SEPTIN9: variants seen among roughly 807,000 people sequenced by gnomAD.
SEPTIN9 encodes septin 9, also known as septin-9.
A neutral mutation model predicts 56.6 loss-of-function variants in SEPTIN9; 13 were observed. That is an observed-to-expected ratio of 0.23 (90% CI 0.15 to 0.37). The LOEUF is 0.37. SEPTIN9 is among the 10% of genes least tolerant of loss of function. The pLI, the probability that SEPTIN9 is intolerant of heterozygous loss-of-function variation, is 1.00. For synonymous variants in SEPTIN9, 332 were observed against 334.1 expected, an observed-to-expected ratio of 0.99 and a Z score of 0.07; for missense variants, 650 against 823.1, an observed-to-expected ratio of 0.79 and a Z score of 2.57.
intron 2 of SEPTIN9, among the ~76,000 whole-genome samples, chr17:77,396,338 G>A (rs886913186): frequency 6.6e-6 from 1 of 152,178 alleles, no homozygotes; most frequent in Non-Finnish European, 1.5e-5. Flanking sequence ...CTGCTGCGTG[G>A]GTCCTTTGAA....
intron 2 of SEPTIN9, among the ~76,000 whole-genome samples, chr17:77,386,233 C>T (rs1041226314): frequency 6.6e-6 from 1 of 152,210 alleles, no homozygotes; most frequent in Non-Finnish European, 1.5e-5. Flanking sequence ...CCTCCTGCCC[C>T]CACCCCTCCT....
rs984092489 is a variant in SEPTIN9 at position 77,437,860 on chromosome 17, C to T, written c.721+35157C>T. Among the ~76,000 whole-genome samples, 1 of 152,238 alleles carries T rather than the reference C, an allele frequency of 6.6e-6. No individual in the cohort carries two copies. The highest frequency in any genetic ancestry group is 1.5e-5 in the Non-Finnish European group (1 of 68,028). ...AAGTCAGGTGCCTCCCGAAGCTTCT[C>T]CCTGGCCCCAGGCCAGAGGTGACAG... On this transcript the variant is annotated intron_variant, in intron 3 of 11. Coordinates refer to ENST00000427177, the MANE Select transcript of SEPTIN9 (RefSeq NM_001113491.2). This position sits in a 1 kb window ranked among gnomAD's most constrained non-coding sequence, Gnocchi z 5.3.
chr17:77,394,297 C>G (rs2035635316), intron 2 of SEPTIN9, among the ~76,000 whole-genome samples: 1 of 152,174 alleles, frequency 6.6e-6, no homozygotes, highest in South Asian at 2.1e-4. Flanking sequence ...TCTGTAGATC[C>G]TAAGGGTTAT....
At chr17:77,465,775 T>G (rs1464821389) in intron 3 of SEPTIN9, among the ~76,000 whole-genome samples, 1 of 151,914 alleles carries the variant, frequency 6.6e-6, no homozygotes, top group Non-Finnish European at 1.5e-5. Context: ...CTGGCAGGCC[T>G]GGGTGGGTGA....
At chr17:77,457,850 G>A (rs567695879) in intron 3 of SEPTIN9, among the ~76,000 whole-genome samples, 1 of 152,210 alleles carries the variant, frequency 6.6e-6, no homozygotes. Context: ...AGTGCCTCCT[G>A]TAATGTTTTA....
intron 2 of SEPTIN9, chr17:77,373,146 C>T (rs955495889): frequency 9.9e-7 from 1 of 1,005,686 alleles, no homozygotes; most frequent in Non-Finnish European, 1.2e-6. Flanking sequence ...GCGCTCCGGT[C>T]GTGTGCCCAG....
intron 3 of SEPTIN9, among the ~76,000 whole-genome samples, chr17:77,480,076 G>A (rs914190184): frequency 6.6e-5 from 10 of 152,230 alleles, no homozygotes; most frequent in Admixed American, 4.6e-4. Context: ...CCTGGGTGGG[G>A]GCCACGTGGG....
rs573679561 is a variant in SEPTIN9, at chr17:77,490,586, A to G, written c.1263-156A>G. Among the ~76,000 whole-genome samples the G allele has an allele frequency of 5.3e-5, 8 of 152,274 alleles. No homozygotes were observed. In the East Asian group the frequency reaches 1.5e-3, roughly 29 times the overall value. On this transcript the variant is annotated intron_variant, in intron 7 of 11. Coordinates refer to ENST00000427177, the MANE Select transcript of SEPTIN9 (RefSeq NM_001113491.2). ...TGTCCTTCCTCTGCCCCACACTCAC[A>G]GCGTGGCCGACTCGGCCCGGGGCCC...
Position 77,285,193 on chromosome 17 carries a change from G to A in SEPTIN9, c.19+3639G>A, listed in dbSNP as rs190583518. Among the ~76,000 whole-genome samples the A allele has an allele frequency of 6.4e-4, 97 of 152,022 alleles. 1 individual carries two copies. The East Asian group carries it at 7.7e-3, about 12-fold the overall frequency. ...CACTGGAGCCAGCTGCACTGTACCC[G>A]CCCTGGCTCTCTAGGTTCTGAGTTT... On this transcript the variant is annotated intron_variant, in intron 1 of 11. Transcript: ENST00000427177.
At chr17:77,488,686 C>T in intron 6 of SEPTIN9, 41 bp from the exon 7 acceptor site, 1 of 1,612,314 alleles carries the variant, frequency 6.2e-7, no homozygotes, top group Admixed American at 1.7e-5. Flanking sequence ...TTGGGGAGGG[C>T]ATCTCATGTG....
intron 2 of SEPTIN9, among the ~76,000 whole-genome samples, chr17:77,337,425 G>A (rs995808429): frequency 3.3e-5 from 5 of 152,016 alleles, no homozygotes; most frequent in South Asian, 2.1e-4. Flanking sequence ...GGATTTTTGC[G>A]TGTTGATTCA....
chr17:77,470,391 C>T (rs1470367630), intron 3 of SEPTIN9, among the ~76,000 whole-genome samples: 1 of 151,688 alleles, frequency 6.6e-6, no homozygotes, highest in African/African-American at 2.4e-5. Context: ...CTCATCCGTC[C>T]ATCCACTCAT....
At chr17:77,468,082 G>A (rs915467121) in intron 3 of SEPTIN9, among the ~76,000 whole-genome samples, 11 of 151,982 alleles carry the variant, frequency 7.2e-5, no homozygotes, top group Non-Finnish European at 1.3e-4. Flanking sequence ...TGGCTAACAC[G>A]GTGAAACCCC....
chr17:77,487,358 C>T lies in SEPTIN9; in HGVS notation c.914-66C>T. 1 of 1,541,436 alleles carries T rather than the reference C, an allele frequency of 6.5e-7. No homozygotes were observed. The highest frequency in any genetic ancestry group is 8.8e-7 in the Non-Finnish European group (1 of 1,139,144). The stretch of plus-strand genomic sequence containing the variant: ...GAGCCTCGTGCCTGGGTGGGAGGGG[C>T]CCCATGTGCAGACCCTGCTGGTCTC... On this transcript the variant is annotated intron_variant, in intron 4 of 11. Coordinates refer to ENST00000427177, the MANE Select transcript of SEPTIN9 (RefSeq NM_001113491.2). The surrounding 1 kb of genome is among the most constrained non-coding windows in gnomAD (Gnocchi z 4.3).
chr17:77,403,062 G>A (rs1472657966), intron 3 of SEPTIN9, among the ~76,000 whole-genome samples: 3 of 152,296 alleles, frequency 2.0e-5, no homozygotes, highest in African/African-American at 7.2e-5. Flanking sequence ...GCAGGAACCA[G>A]GGCAGGCTCA....
chr17:77,330,533 C>T lies in SEPTIN9; in HGVS notation c.76+23336C>T, dbSNP rs2033308084. ...TTCCTGGATTCTTCCTCCGTTCTCC[C>T]CTGGGCAGTGTTTCTGTTCACCTGG... On this transcript the variant is annotated intron_variant, in intron 2 of 11. Transcript: ENST00000427177. The surrounding 1 kb of genome is among the most constrained non-coding windows in gnomAD (Gnocchi z 4.4). Among the ~76,000 whole-genome samples the T allele has an allele frequency of 6.6e-6, 1 of 152,196 alleles. No homozygotes were observed. Among genetic ancestry groups the T allele is most frequent in the African/African-American group, 2.4e-5 (1 of 41,432 alleles).
chr17:77,417,517 C>T (rs2036546163), intron 3 of SEPTIN9, among the ~76,000 whole-genome samples: 1 of 152,134 alleles, frequency 6.6e-6, no homozygotes, highest in Non-Finnish European at 1.5e-5. Context: ...AAATCATAAA[C>T]CCAGAAAGCA....
rs2039220424 is a variant in SEPTIN9 at position 77,476,508 on chromosome 17, C to G, written c.722-5636C>G. On this transcript the variant is annotated intron_variant, in intron 3 of 11. Coordinates refer to ENST00000427177, the MANE Select transcript of SEPTIN9 (RefSeq NM_001113491.2). The surrounding 1 kb of genome is among the most constrained non-coding windows in gnomAD (Gnocchi z 6.0). ...GGCTCAGGGCTGCGTGGATTACAGCCCTTTCATCCCTGCCTTAGACCCACC... is the reference window on the plus strand; with the variant it reads ...GGCTCAGGGCTGCGTGGATTACAGCGCTTTCATCCCTGCCTTAGACCCACC... Among the ~76,000 whole-genome samples, 1 of 152,218 alleles carries G rather than the reference C, an allele frequency of 6.6e-6. No homozygotes were observed. Among genetic ancestry groups the G allele is most frequent in the Non-Finnish European group, 1.5e-5 (1 of 68,032 alleles).
rs552515521 is a variant in SEPTIN9, at chr17:77,421,059, G to A, written c.721+18356G>A. ...GGAGACGGGGTACTGTGCAGTGGTC[G>A]GGGTAGGGGTGGAGCTCTGCCGTCG... On this transcript the variant is annotated intron_variant, in intron 3 of 11. Coordinates refer to ENST00000427177, the MANE Select transcript of SEPTIN9 (RefSeq NM_001113491.2). This position sits in a 1 kb window ranked among gnomAD's most constrained non-coding sequence, Gnocchi z 4.6. Among the ~76,000 whole-genome samples the A allele has an allele frequency of 4.6e-5, 7 of 152,302 alleles. No homozygotes were observed. In the East Asian group the frequency reaches 1.4e-3, roughly 29 times the overall value.
Sources: allele counts gnomAD v4.1 joint callset (sites outside exome capture counted in the v4.1 genomes callset), GRCh38; gene constraint gnomAD v4.1.1; non-coding constraint Gnocchi (gnomAD v3.1); transcripts MANE v1.5; gene names NCBI Gene and HGNC (gene_info 2026-07-23, HGNC 2026-07-21).